The following KIF26B variants were observed in gnomAD, a reference collection of about 807,000 sequenced individuals.
KIF26B encodes the protein kinesin-like protein KIF26B.
In KIF26B, 63 loss-of-function variants were observed where a neutral mutation model predicts 151.2. The observed-to-expected ratio is 0.42, with a 90% CI of 0.34 to 0.51. The LOEUF is 0.51. Among genes scored for constraint, KIF26B ranks in the 20% least tolerant of loss-of-function variants. The pLI is 0.07. For synonymous variants in KIF26B, 1,357 were observed against 1,262.1 expected (o/e 1.08, Z -1.59); for missense variants, 2,813 against 2,913.6 (o/e 0.97, Z 0.79).
chr1:245,501,015 C>G (rs958797055), intron 4 of KIF26B, among the ~76,000 whole-genome samples: 3 of 152,226 alleles, frequency 2.0e-5, no homozygotes, highest in African/African-American at 7.2e-5. Flanking sequence ...AGACCACTTA[C>G]TATGCGTATG....
At chr1:245,478,166 C>T (rs1202304202) in intron 4 of KIF26B, among the ~76,000 whole-genome samples, 3 of 151,834 alleles carry the variant, frequency 2.0e-5, no homozygotes, top group Admixed American at 6.6e-5. Flanking sequence ...ACATTATTAG[C>T]ACCTATTCCT....
intron 4 of KIF26B, among the ~76,000 whole-genome samples, chr1:245,539,920 T>C (rs1420848884): frequency 6.6e-6 from 1 of 152,170 alleles, no homozygotes; most frequent in Non-Finnish European, 1.5e-5. Context: ...CCCAAAGTGC[T>C]GGGATTACAG....
At chr1:245,369,453 T>C (rs1673053906) in intron 3 of KIF26B, among the ~76,000 whole-genome samples, 2 of 152,222 alleles carry the variant, frequency 1.3e-5, no homozygotes, top group Non-Finnish European at 2.9e-5. Context: ...TGGGAAACGT[T>C]GATCATTATC....
At chr1:245,419,415 A>G (rs1473734713) in intron 3 of KIF26B, among the ~76,000 whole-genome samples, 164 bp from the exon 4 acceptor site, 1 of 152,196 alleles carries the variant, frequency 6.6e-6, no homozygotes, top group Non-Finnish European at 1.5e-5. Flanking sequence ...AAAATGCTGG[A>G]AAATAGCCTT....
At chr1:245,498,200 G>T (rs181831258) in intron 4 of KIF26B, among the ~76,000 whole-genome samples, 66 of 152,290 alleles carry the variant, frequency 4.3e-4, no homozygotes, top group African/African-American at 1.5e-3. Flanking sequence ...GAGAGCCTGG[G>T]CTGTCACACT....
intron 4 of KIF26B, among the ~76,000 whole-genome samples, chr1:245,518,218 T>A (rs1661013761): frequency 6.6e-6 from 1 of 152,130 alleles, no homozygotes; most frequent in East Asian, 1.9e-4. Flanking sequence ...GACAACGTAT[T>A]TTTCAGATTC....
intron 5 of KIF26B, among the ~76,000 whole-genome samples, chr1:245,555,651 C>T (rs1662004862): frequency 6.6e-6 from 1 of 152,124 alleles, no homozygotes; most frequent in Non-Finnish European, 1.5e-5. Context: ...AACGTCACCC[C>T]CTGCATTTTT....
At chr1:245,477,582 T>G (rs890812203) in intron 4 of KIF26B, among the ~76,000 whole-genome samples, 4 of 151,464 alleles carry the variant, frequency 2.6e-5, no homozygotes, top group Admixed American at 6.6e-5. Flanking sequence ...CATAACATGG[T>G]GAGATTTGGG....
Position 245,408,051 on chromosome 1 carries a change from A to G in KIF26B, c.1000-11528A>G, listed in dbSNP as rs576904800. On this transcript the variant is annotated intron_variant, in intron 3 of 14. Transcript: ENST00000407071. Reference sequence around the variant, plus strand: ...GAGAAACAGTGGTAGCCTTTGCCCAATAGAAGAGCCGCCCCCAGGTGATTC... The same window carrying G: ...GAGAAACAGTGGTAGCCTTTGCCCAGTAGAAGAGCCGCCCCCAGGTGATTC... Among the ~76,000 whole-genome samples, 141 of 152,250 alleles carry G rather than the reference A, an allele frequency of 9.3e-4. 1 individual carries two copies. Among genetic ancestry groups the G allele is most frequent in the African/African-American group, 3.2e-3 (133 of 41,538 alleles).
intron 2 of KIF26B, among the ~76,000 whole-genome samples, chr1:245,255,805 C>T (rs535870857): frequency 6.6e-6 from 1 of 152,184 alleles, no homozygotes; most frequent in South Asian, 2.1e-4. Flanking sequence ...TGTTTTTTTC[C>T]CTTTAACAAG....
At chr1:245,270,783 C>T (rs1670844298) in intron 2 of KIF26B, among the ~76,000 whole-genome samples, 1 of 152,148 alleles carries the variant, frequency 6.6e-6, no homozygotes, top group Non-Finnish European at 1.5e-5. Flanking sequence ...TTGATATAAT[C>T]TCACTTGTCT....
chr1:245,623,665 A>G (rs954008793), intron 9 of KIF26B, among the ~76,000 whole-genome samples: 1 of 152,254 alleles, frequency 6.6e-6, no homozygotes, highest in Non-Finnish European at 1.5e-5. Context: ...GACAGGTCAC[A>G]GGAAAAACTT....
At chr1:245,416,921 C>T (rs1674433807) in intron 3 of KIF26B, among the ~76,000 whole-genome samples, 1 of 152,148 alleles carries the variant, frequency 6.6e-6, no homozygotes, top group Admixed American at 6.5e-5. Flanking sequence ...GTCTATAGAG[C>T]AGGCATTTGG....
intron 2 of KIF26B, among the ~76,000 whole-genome samples, chr1:245,344,494 C>T (rs1205457738): frequency 2.5e-5 from 1 of 39,982 alleles, no homozygotes; most frequent in South Asian, 1.4e-3. Flanking sequence ...GACTCCGTCT[C>T]AAAAAAAAAA....
chr1:245,655,600 C>T (rs1453408913), intron 10 of KIF26B, among the ~76,000 whole-genome samples: 1 of 152,222 alleles, frequency 6.6e-6, no homozygotes, highest in African/African-American at 2.4e-5. Context: ...TGCCCTCAAA[C>T]AGTCCAATGG....
Position 245,366,496 on chromosome 1 carries a change from G to A in KIF26B, c.466-338G>A, listed in dbSNP as rs190626023. Among the ~76,000 whole-genome samples, 1,021 of 149,452 alleles carry A rather than the reference G, an allele frequency of 6.8e-3. 15 individuals carry two copies. The highest frequency in any genetic ancestry group is 0.024 in the African/African-American group (979 of 40,448). On this transcript the variant is annotated intron_variant, in intron 2 of 14. Coordinates refer to ENST00000407071, the MANE Select transcript of KIF26B (RefSeq NM_018012.4). ...CAGTGAGCCGAGATCGTGCCATTGC[G>A]CTCCAGCCTGGGTGACAAGGCGAGA...
At chr1:245,331,767 G>GT (rs1672120077) in intron 2 of KIF26B, among the ~76,000 whole-genome samples, 1 of 152,126 alleles carries the variant, frequency 6.6e-6, no homozygotes, top group Non-Finnish European at 1.5e-5. Context: ...ATGTGATAGC[G>GT]TACACTTCTT....
chr1:245,470,087 C>A (rs904650157), intron 4 of KIF26B, among the ~76,000 whole-genome samples: 2 of 151,896 alleles, frequency 1.3e-5, no homozygotes, highest in Non-Finnish European at 2.9e-5. Flanking sequence ...GGAGGGTGTT[C>A]CGAGCCACAC....
At chr1:245,379,475 A>ATT (rs111967663) in intron 3 of KIF26B, among the ~76,000 whole-genome samples, 1 of 140,838 alleles carries the variant, frequency 7.1e-6, no homozygotes, top group Admixed American at 7.2e-5. Flanking sequence ...CTAGTTTATG[A>ATT]TTTTTTTTTT....
Sources: gnomAD v4.1 joint callset for allele counts (sites outside exome capture counted in the v4.1 genomes callset) on GRCh38, gnomAD v4.1.1 for gene constraint, MANE v1.5 for transcripts, NCBI Gene and HGNC (gene_info 2026-07-23, HGNC 2026-07-21) for gene names.